NRG1: variants seen among roughly 807,000 people sequenced by gnomAD.
NRG1 encodes pro-neuregulin-1, membrane-bound isoform.
In NRG1, 18 loss-of-function variants were observed where a neutral mutation model predicts 63.8. The ratio of observed to expected loss-of-function variants is 0.28; its 90% CI spans 0.19 to 0.42. The LOEUF is 0.42. NRG1 is among the 10% of genes least tolerant of loss of function. The pLI, the probability that NRG1 is intolerant of heterozygous loss-of-function variation, is 1.00. For synonymous variants in NRG1, 302 were observed against 301.3 expected, an observed-to-expected ratio of 1.00 and a Z score of -0.02; for missense variants, 762 against 814.7, an observed-to-expected ratio of 0.94 and a Z score of 0.79.
intron 1 of NRG1, among the ~76,000 whole-genome samples, chr8:32,079,148 T>TACACACACACACACACACAC (rs143380574): frequency 6.9e-6 from 1 of 145,762 alleles, no homozygotes; most frequent in African/African-American, 2.5e-5. Context: ...TAGAATGAAA[T>TACACACACACACACACACAC]ACACACACAC....
chr8:32,080,816 A>G (rs1027781792), intron 1 of NRG1, among the ~76,000 whole-genome samples: 3 of 151,422 alleles, frequency 2.0e-5, no homozygotes, highest in African/African-American at 7.3e-5. Flanking sequence ...TGTGACAGAG[A>G]CAGACAGAAA....
At chr8:32,286,579 G>C (rs558486810) in intron 1 of NRG1, among the ~76,000 whole-genome samples, 2 of 152,240 alleles carry the variant, frequency 1.3e-5, no homozygotes, top group Non-Finnish European at 2.9e-5. Flanking sequence ...GCAGGATCCA[G>C]TGAGTTCTCA....
At chr8:32,412,098 G>T (rs10954841) in intron 1 of NRG1, among the ~76,000 whole-genome samples, 41,420 of 151,812 alleles carry the variant, frequency 0.27, 5,949 homozygotes, top group Middle Eastern at 0.34. Context: ...AATCAAGACC[G>T]GAATAGAACA....
intron 6 of NRG1, among the ~76,000 whole-genome samples, chr8:32,736,863 A>G (rs1825197042): frequency 6.6e-6 from 1 of 152,196 alleles, no homozygotes; most frequent in African/African-American, 2.4e-5. Flanking sequence ...GGGGTCCGTG[A>G]ATATCTATAA....
chr8:31,676,988 CAGTGCTTG>C (rs1273625605), intron 1 of NRG1, among the ~76,000 whole-genome samples: 3 of 152,182 alleles, frequency 2.0e-5, no homozygotes, highest in Non-Finnish European at 4.4e-5. Flanking sequence ...ATTGCCTGCA[CAGTGCTTG>C]ATGACCTTCC....
chr8:32,041,758 C>T (rs1337822295), intron 1 of NRG1, among the ~76,000 whole-genome samples: 3 of 152,130 alleles, frequency 2.0e-5, no homozygotes, highest in Non-Finnish European at 4.4e-5. Context: ...ATAGACCTAC[C>T]ATTTTCTAGA....
intron 1 of NRG1, among the ~76,000 whole-genome samples, chr8:31,674,722 A>G (rs1029604682): frequency 3.3e-5 from 5 of 152,130 alleles, no homozygotes; most frequent in African/African-American, 9.7e-5. Context: ...TTTGACCTGA[A>G]TTTACTGTAG....
chr8:32,752,912 G>A (rs1469413856), intron 7 of NRG1, among the ~76,000 whole-genome samples: 1 of 152,108 alleles, frequency 6.6e-6, no homozygotes, highest in East Asian at 1.9e-4. Flanking sequence ...ATTATCATGG[G>A]CTCGGCTTGT....
In NRG1 at chr8:32,742,105, CT is replaced by C. The variant is rs1465506199; in HGVS notation, c.633-569del. 6.4e-7 allele frequency: 1 copy of C among 1,558,918 alleles called. No homozygotes were observed. The highest frequency in any genetic ancestry group is 1.1e-5 in the South Asian group (1 of 89,896). The stretch of plus-strand genomic sequence containing the variant: ...GTCAAAATAATCTGAAATTTGCTTT[CT>C]CCCCCAACTACAGCAACAATCACTA... On this transcript the variant is annotated intron_variant, in intron 6 of 11. Transcript: ENST00000356819. The surrounding 1 kb of genome is among the most constrained non-coding windows in gnomAD (Gnocchi z 4.2).
intron 5 of NRG1, among the ~76,000 whole-genome samples, chr8:32,644,983 C>T (rs974809328): frequency 6.6e-6 from 1 of 152,000 alleles, no homozygotes; most frequent in Non-Finnish European, 1.5e-5. Flanking sequence ...TTTAGCTGAC[C>T]TTGGCCTTGG....
In NRG1 at chr8:32,587,622, G is replaced by A. The variant is rs564945155; in HGVS notation, c.101-8206G>A. 4.9e-4 allele frequency among the ~76,000 whole-genome samples: 74 copies of A among 152,204 alleles called. 1 individual carries two copies. The South Asian group carries it at 0.015, about 31-fold the overall frequency. On this transcript the variant is annotated intron_variant, in intron 1 of 11. Transcript: ENST00000356819. ...GGGCCTCTGGAATCATTTTGTACCT[G>A]GGTTTCTTCTTTGTCAGCATCTTCC...
intron 1 of NRG1, among the ~76,000 whole-genome samples, chr8:31,987,536 G>T (rs922359955): frequency 1.3e-5 from 2 of 151,914 alleles, no homozygotes; most frequent in African/African-American, 4.8e-5. Flanking sequence ...AGTGAGAGCT[G>T]AACTGAGTAT....
At chr8:32,129,050 A>G (rs1834463599) in intron 1 of NRG1, among the ~76,000 whole-genome samples, 1 of 151,870 alleles carries the variant, frequency 6.6e-6, no homozygotes, top group South Asian at 2.1e-4. Context: ...TGCTCCCACA[A>G]TAGTCGGTTC....
intron 1 of NRG1, among the ~76,000 whole-genome samples, chr8:32,066,492 A>C: frequency 6.6e-6 from 1 of 152,116 alleles, no homozygotes; most frequent in Admixed American, 6.5e-5. Flanking sequence ...AAGATCAGAT[A>C]GTTGTAGATA....
At chr8:31,813,267 T>G (rs888893137) in intron 1 of NRG1, among the ~76,000 whole-genome samples, 4 of 152,184 alleles carry the variant, frequency 2.6e-5, no homozygotes, top group African/African-American at 9.7e-5. Context: ...AAAATATTTT[T>G]TTCAATTTTT....
intron 1 of NRG1, among the ~76,000 whole-genome samples, chr8:32,549,329 G>A (rs1833679310): frequency 6.6e-6 from 1 of 152,230 alleles, no homozygotes; most frequent in South Asian, 2.1e-4. Flanking sequence ...AGGCCGCGTG[G>A]GAAGTTAGCT....
intron 1 of NRG1, among the ~76,000 whole-genome samples, chr8:31,926,345 G>T (rs1422295695): frequency 6.6e-6 from 1 of 151,906 alleles, no homozygotes; most frequent in Non-Finnish European, 1.5e-5. Context: ...GCCCCATCCT[G>T]CTTGTGAATA....
intron 11 of NRG1, chr8:32,763,121 A>T: frequency 8.0e-7 from 1 of 1,245,276 alleles, no homozygotes; most frequent in Non-Finnish European, 1.2e-6. Flanking sequence ...TTGAATGTTA[A>T]CTAGTTGCAT....
At chr8:31,891,091 G>T (rs934567196) in intron 1 of NRG1, among the ~76,000 whole-genome samples, 3 of 152,134 alleles carry the variant, frequency 2.0e-5, no homozygotes, top group African/African-American at 7.2e-5. Flanking sequence ...TCTAAGGTGA[G>T]CCAAATAATG....
Sources: allele counts gnomAD v4.1 joint callset (sites outside exome capture counted in the v4.1 genomes callset), GRCh38; gene constraint gnomAD v4.1.1; non-coding constraint Gnocchi (gnomAD v3.1); transcripts MANE v1.5; gene names NCBI Gene and HGNC (gene_info 2026-07-23, HGNC 2026-07-21).